WWOX: variants seen among roughly 807,000 people sequenced by gnomAD.
WWOX encodes the protein WW domain-containing oxidoreductase.
WWOX carries 69 observed loss-of-function variants against 46.2 expected under a neutral mutation model. The observed-to-expected ratio is 1.49, with a 90% CI of 1.23 to 1.82. WWOX has a LOEUF of 1.82. WWOX is among the 40% of genes most tolerant of loss of function. The probability of loss-of-function intolerance (pLI) is 0.00; values close to 1 mark genes in which losing one functional copy is unlikely to be tolerated. For synonymous variants in WWOX, 359 were observed against 202.6 expected (o/e 1.77, Z -6.56); for missense variants, 919 against 542.6 (o/e 1.69, Z -6.89).
At chr16:78,531,782 C>T (rs542432446) in intron 8 of WWOX, among the ~76,000 whole-genome samples, 2 of 152,148 alleles carry the variant, frequency 1.3e-5, no homozygotes, top group South Asian at 4.2e-4. Flanking sequence ...CACTTGAACT[C>T]CAGAGGCAGA....
chr16:78,843,627 G>T (rs2052219380), intron 8 of WWOX, among the ~76,000 whole-genome samples: 1 of 151,804 alleles, frequency 6.6e-6, no homozygotes, highest in South Asian at 2.1e-4. Context: ...AATGAATGAG[G>T]AAGTGAGCAA....
rs978352868 is a variant in WWOX at position 78,903,187 on chromosome 16, G to T, written c.1057-308421G>T. Among the ~76,000 whole-genome samples the T allele has an allele frequency of 2.6e-5, 4 of 152,250 alleles. 1 individual carries two copies. The highest frequency in any genetic ancestry group is 9.6e-5 in the African/African-American group (4 of 41,536). ...AAATACTCCCTAGATGTTTCCCATTGGCCACTTGGGGTACACCCCTTATAA... is the reference window on the plus strand; with the variant it reads ...AAATACTCCCTAGATGTTTCCCATTTGCCACTTGGGGTACACCCCTTATAA... On this transcript the variant is annotated intron_variant, in intron 8 of 8. Coordinates refer to ENST00000566780, the MANE Select transcript of WWOX (RefSeq NM_016373.4).
At chr16:79,124,803 A>G (rs2049715776) in intron 8 of WWOX, among the ~76,000 whole-genome samples, 1 of 152,232 alleles carries the variant, frequency 6.6e-6, no homozygotes, top group South Asian at 2.1e-4. Context: ...TTATAAAAGT[A>G]TAAACCAATG....
chr16:79,136,185 G>A (rs111908438), intron 8 of WWOX, among the ~76,000 whole-genome samples: 7 of 151,714 alleles, frequency 4.6e-5, no homozygotes, highest in African/African-American at 1.5e-4. Context: ...GTCCAGGTGA[G>A]AGTCAGGAAA....
At chr16:78,161,388 C>G (rs539278834) in intron 4 of WWOX, among the ~76,000 whole-genome samples, 4 of 152,070 alleles carry the variant, frequency 2.6e-5, no homozygotes, top group African/African-American at 4.8e-5. Context: ...TCCTTTCTTT[C>G]TCTTTTTTCT....
At chr16:78,922,219 A>T (rs1324514671) in intron 8 of WWOX, among the ~76,000 whole-genome samples, 1 of 152,022 alleles carries the variant, frequency 6.6e-6, no homozygotes, top group Non-Finnish European at 1.5e-5. Flanking sequence ...CCTAAGCAAT[A>T]TTGTTGGTCC....
chr16:79,134,726 T>G (rs987999172), intron 8 of WWOX, among the ~76,000 whole-genome samples: 4 of 152,158 alleles, frequency 2.6e-5, no homozygotes, highest in African/African-American at 9.7e-5. Flanking sequence ...CTCAGAGAAA[T>G]GAAGTAACTC....
At chr16:78,472,827 A>AC (rs1311869478) in intron 8 of WWOX, among the ~76,000 whole-genome samples, 1 of 150,794 alleles carries the variant, frequency 6.6e-6, no homozygotes, top group South Asian at 2.1e-4. Flanking sequence ...AAAAAAAAAA[A>AC]AAAAAAAAAT....
intron 8 of WWOX, among the ~76,000 whole-genome samples, chr16:78,570,560 C>T (rs1030101853): frequency 3.9e-5 from 6 of 152,010 alleles, no homozygotes; most frequent in Non-Finnish European, 7.4e-5. Context: ...GTGATCCTCC[C>T]GCCTCTGCCT....
chr16:78,613,752 G>A (rs183666548), intron 8 of WWOX, among the ~76,000 whole-genome samples: 205 of 152,284 alleles, frequency 1.3e-3, no homozygotes, highest in Middle Eastern at 6.8e-3. Context: ...TTTCCAAAAT[G>A]GGAACAAGAT....
chr16:78,541,575 G>T (rs1232077289), intron 8 of WWOX, among the ~76,000 whole-genome samples: 3 of 151,050 alleles, frequency 2.0e-5, no homozygotes, highest in African/African-American at 7.3e-5. Flanking sequence ...CTCTGGATAG[G>T]ATAGGGTATA....
chr16:78,365,904 T>G (rs4888790), intron 5 of WWOX, among the ~76,000 whole-genome samples: 78,524 of 152,034 alleles, frequency 0.52, 22,010 homozygotes, highest in Non-Finnish European at 0.64. Context: ...ATTGTTGTTT[T>G]GGTTTGGGTT....
At chr16:78,865,336 A>G (rs1245116872) in intron 8 of WWOX, among the ~76,000 whole-genome samples, 1 of 152,116 alleles carries the variant, frequency 6.6e-6, no homozygotes, top group Non-Finnish European at 1.5e-5. Context: ...GACTTATTAA[A>G]TGACTGATTT....
chr16:78,334,827 C>CACAT (rs1268199925), intron 5 of WWOX, among the ~76,000 whole-genome samples: 3 of 110,426 alleles, frequency 2.7e-5, no homozygotes, highest in Admixed American at 9.4e-5. Context: ...CACACACACA[C>CACAT]ACACATACAC....
chr16:78,142,862 T>G (rs1567595326), intron 4 of WWOX, among the ~76,000 whole-genome samples: 2 of 152,234 alleles, frequency 1.3e-5, no homozygotes, highest in Non-Finnish European at 2.9e-5. Context: ...TATTCAATAT[T>G]CGATGTTAAA....
intron 8 of WWOX, among the ~76,000 whole-genome samples, chr16:78,871,973 C>T (rs1028540072): frequency 6.6e-6 from 1 of 152,170 alleles, no homozygotes; most frequent in African/African-American, 2.4e-5. Flanking sequence ...TTGGCTGTGG[C>T]CTTGCAGACC....
intron 8 of WWOX, among the ~76,000 whole-genome samples, chr16:79,075,816 T>G (rs1263891451): frequency 6.6e-6 from 1 of 152,176 alleles, no homozygotes; most frequent in Non-Finnish European, 1.5e-5. Flanking sequence ...TACATATACC[T>G]CGGCAGCCTG....
chr16:78,831,507 C>A (rs915095788), intron 8 of WWOX, among the ~76,000 whole-genome samples: 1 of 152,184 alleles, frequency 6.6e-6, no homozygotes, highest in African/African-American at 2.4e-5. Flanking sequence ...TGGTACCCTA[C>A]GTGGGAGACC....
At chr16:78,527,763 A>G (rs1376300645) in intron 8 of WWOX, among the ~76,000 whole-genome samples, 2 of 125,384 alleles carry the variant, frequency 1.6e-5, no homozygotes, top group Non-Finnish European at 3.5e-5. Flanking sequence ...CTGCCAGGGA[A>G]TGCATGTCAA....
Sources: allele counts gnomAD v4.1 joint callset (sites outside exome capture counted in the v4.1 genomes callset), GRCh38; gene constraint gnomAD v4.1.1; transcripts MANE v1.5; gene names NCBI Gene and HGNC (gene_info 2026-07-23, HGNC 2026-07-21).